Variants in SDHAF3 observed in about 807,000 individuals in gnomAD.
SDHAF3 encodes succinate dehydrogenase complex assembly factor 3.
SDHAF3 carries 18 observed loss-of-function variants against 11.5 expected under a neutral mutation model. The observed-to-expected ratio is 1.56, with a 90% CI of 1.08 to 2.32. The LOEUF is 2.32. SDHAF3 is among the 30% of genes most tolerant of loss of function. SDHAF3 has a pLI of 0.00. For missense variants in SDHAF3, 200 were observed against 154.4 expected (o/e 1.30, Z -1.57); for synonymous variants, 72 against 59.3 (o/e 1.21, Z -0.99).
chr7:97,137,439 C>T lies in SDHAF3; in HGVS notation c.174+19542C>T, dbSNP rs573084539. The stretch of plus-strand genomic sequence containing the variant: ...ACTAGAAAGGAGACGAGATCAGGAG[C>T]GGAGGTTTCAAGATCAAGTTCAAGT... On this transcript the variant is annotated intron_variant, in intron 1 of 1. Coordinates refer to ENST00000432641, the MANE Select transcript of SDHAF3 (RefSeq NM_020186.3). 1.6e-3 allele frequency among the ~76,000 whole-genome samples: 245 copies of T among 152,166 alleles called. 1 individual carries two copies. Among genetic ancestry groups the T allele is most frequent in the African/African-American group, 5.7e-3 (236 of 41,512 alleles).
At chr7:97,121,240 GCTTT>G (rs1791491234) in intron 1 of SDHAF3, among the ~76,000 whole-genome samples, 1 of 152,170 alleles carries the variant, frequency 6.6e-6, no homozygotes, top group Admixed American at 6.5e-5. Context: ...GTTGTTTAAG[GCTTT>G]CTATTTTTCT....
intron 1 of SDHAF3, among the ~76,000 whole-genome samples, chr7:97,163,168 CTTTTTTTT>C (rs58956333): frequency 8.0e-6 from 1 of 125,030 alleles, no homozygotes; most frequent in African/African-American, 3.0e-5. Context: ...GTTTAAAGTC[CTTTTTTTT>C]TTTTTTTTTT....
rs141054182 is a variant in SDHAF3 at position 97,153,031 on chromosome 7, A to G, written c.175-27981A>G. On this transcript the variant is annotated intron_variant, in intron 1 of 1. Transcript: ENST00000432641. ...ACAAAGGTGATCTAGTCTCCAAGCA[A>G]GGAGGATGTTTGTTTTGGGGAGGGC... Among the ~76,000 whole-genome samples, 952 of 152,334 alleles carry G rather than the reference A, an allele frequency of 6.2e-3. 6 individuals carry two copies. The highest frequency in any genetic ancestry group is 9.9e-3 in the Non-Finnish European group (674 of 68,032).
chr7:97,135,668 G>GTATATATATATATATA (rs34446320), intron 1 of SDHAF3: 1 of 63,934 alleles, frequency 1.6e-5, no homozygotes, highest in African/African-American at 7.1e-5. Flanking sequence ...GTGTGTGTGT[G>GTATATATATATATATA]TATATATATA....
intron 1 of SDHAF3, among the ~76,000 whole-genome samples, chr7:97,128,578 G>T (rs1163646891): frequency 6.6e-6 from 1 of 152,132 alleles, no homozygotes; most frequent in Non-Finnish European, 1.5e-5. Context: ...TGTGTGTGTA[G>T]AGGTATGTGT....
At chr7:97,144,516 T>A (rs1473415853) in intron 1 of SDHAF3, among the ~76,000 whole-genome samples, 1 of 152,214 alleles carries the variant, frequency 6.6e-6, no homozygotes. Flanking sequence ...GGATCCAGTT[T>A]CATTCTCTTA....
intron 1 of SDHAF3, among the ~76,000 whole-genome samples, chr7:97,179,419 T>C (rs1280301895): frequency 6.6e-6 from 1 of 152,174 alleles, no homozygotes; most frequent in Non-Finnish European, 1.5e-5. Context: ...ATCTTTATTA[T>C]CATCTGAGTA....
rs572579095 is a variant in SDHAF3, at chr7:97,176,898, G to A, written c.175-4114G>A. ...AAATATTAATATTTTGAAATATTTAGTTCACTTTTTTAAAGTAAATAAATA... is the reference window on the plus strand; with the variant it reads ...AAATATTAATATTTTGAAATATTTAATTCACTTTTTTAAAGTAAATAAATA... On this transcript the variant is annotated intron_variant, in intron 1 of 1. Coordinates refer to ENST00000432641, the MANE Select transcript of SDHAF3 (RefSeq NM_020186.3). Among the ~76,000 whole-genome samples, 14 of 152,100 alleles carry A rather than the reference G, an allele frequency of 9.2e-5. No homozygotes were observed. The East Asian group carries it at 1.9e-3, about 21-fold the overall frequency.
chr7:97,164,113 T>G (rs1294131697), intron 1 of SDHAF3, among the ~76,000 whole-genome samples: 1 of 151,944 alleles, frequency 6.6e-6, no homozygotes, highest in Non-Finnish European at 1.5e-5. Flanking sequence ...CCTGGCTGTT[T>G]TTTTTATATT....
chr7:97,151,509 T>TG (rs930925278), intron 1 of SDHAF3, among the ~76,000 whole-genome samples: 49 of 150,400 alleles, frequency 3.3e-4, no homozygotes, highest in Admixed American at 2.1e-3. Context: ...AGTCCTTTTT[T>TG]TTTTTTTGAG....
intron 1 of SDHAF3, among the ~76,000 whole-genome samples, chr7:97,125,897 T>C (rs1381058553): frequency 2.6e-5 from 4 of 152,202 alleles, no homozygotes; most frequent in Non-Finnish European, 4.4e-5. Flanking sequence ...TTGCAATCAT[T>C]TGGAGGAGAA....
In SDHAF3 at chr7:97,156,260, C is replaced by T. The variant is rs1470992147; in HGVS notation, c.175-24752C>T. ...GTACACATAGTCTTTTGTAGAATGT[C>T]CCCCAGCTGGGATTTCTCTAATGTC... On this transcript the variant is annotated intron_variant, in intron 1 of 1. Coordinates refer to ENST00000432641, the MANE Select transcript of SDHAF3 (RefSeq NM_020186.3). 3.9e-5 allele frequency among the ~76,000 whole-genome samples: 6 copies of T among 152,128 alleles called. No individual in the cohort carries two copies. In the East Asian group the frequency reaches 1.2e-3, roughly 29 times the overall value.
At chr7:97,178,065 C>T (rs1789711430) in intron 1 of SDHAF3, among the ~76,000 whole-genome samples, 1 of 152,194 alleles carries the variant, frequency 6.6e-6, no homozygotes, top group Non-Finnish European at 1.5e-5. Flanking sequence ...GTAACACCCT[C>T]TCCTACCTCC....
intron 1 of SDHAF3, 42 bp downstream of exon 1, chr7:97,117,939 TC>T (rs1301878701): frequency 6.3e-7 from 1 of 1,599,852 alleles, no homozygotes; most frequent in Non-Finnish European, 8.5e-7. Context: ...CCTTTGGGGT[TC>T]CTCGGTGTCC....
intron 1 of SDHAF3, among the ~76,000 whole-genome samples, chr7:97,130,022 G>A (rs1791641976): frequency 1.3e-5 from 2 of 152,182 alleles, no homozygotes; most frequent in Non-Finnish European, 2.9e-5. Context: ...AGGATGAGGA[G>A]AAGGCAGTGG....
intron 1 of SDHAF3, among the ~76,000 whole-genome samples, chr7:97,125,427 C>T (rs1380103600): frequency 2.0e-5 from 3 of 152,182 alleles, no homozygotes; most frequent in Non-Finnish European, 4.4e-5. Context: ...TACATTGTCT[C>T]TTTGTTCTCA....
chr7:97,154,877 C>T (rs1445984160), intron 1 of SDHAF3, among the ~76,000 whole-genome samples: 1 of 152,072 alleles, frequency 6.6e-6, no homozygotes, highest in Non-Finnish European at 1.5e-5. Flanking sequence ...GTTGCTTCAG[C>T]GTAATTTGTT....
At chr7:97,180,730 A>G (rs144875676) in intron 1 of SDHAF3, among the ~76,000 whole-genome samples, 276 of 152,320 alleles carry the variant, frequency 1.8e-3, no homozygotes, top group African/African-American at 6.4e-3. Flanking sequence ...GAGGTGGTTT[A>G]TGCATGCTTC....
Position 97,181,312 on chromosome 7 carries a change from G to GTTA in SDHAF3, c.*101_*103dup, listed in dbSNP as rs1230774237. ...ATATATTTAAGCTTTGAAAACACCT[G>GTTA]TTATTAATGAAATACTCTTTTATTT... On this transcript the variant is annotated 3_prime_UTR_variant, in exon 2 of 2. Transcript: ENST00000432641. The GTTA allele has an allele frequency of 7.2e-6, 6 of 830,812 alleles. No homozygotes were observed. The highest frequency in any genetic ancestry group is 1.1e-5 in the Non-Finnish European group (6 of 540,272). 51.5% of individuals were successfully genotyped at this position (830,812 alleles called of 1,614,324 possible). A position where few individuals can be genotyped will look rare whatever the true frequency, so the allele number is the denominator to read the frequency against.
Sources: allele counts gnomAD v4.1 joint callset (sites outside exome capture counted in the v4.1 genomes callset), GRCh38; gene constraint gnomAD v4.1.1; transcripts MANE v1.5; gene names NCBI Gene and HGNC (gene_info 2026-07-23, HGNC 2026-07-21).